DNAAF3: variants seen among roughly 807,000 people sequenced by gnomAD.
DNAAF3 encodes UPF0470 protein C19orf51.
A neutral mutation model predicts 50.9 loss-of-function variants in DNAAF3; 40 were observed. The observed-to-expected ratio is 0.79, with a 90% confidence interval of 0.61 to 1.02. The LOEUF is 1.02. Ranked by LOEUF, DNAAF3 falls within the 50% of genes least tolerant of loss-of-function variation. DNAAF3 has a pLI of 0.00. For synonymous variants in DNAAF3, 327 were observed against 322.8 expected, an observed-to-expected ratio of 1.01 and a Z score of -0.14; for missense variants, 763 against 744.7, an observed-to-expected ratio of 1.02 and a Z score of -0.29.
At position 55,159,050 on chromosome 19, in the gene DNAAF3, C is replaced by T. The variant is rs376466344; in HGVS notation, c.*12G>A. ...TTTGGAAGTTGGAGATAAGGGGTGT[C>T]TAGGGGTTGGGTCAGACTCCAGTTT... is the stretch of plus-strand genomic sequence containing the variant. On this transcript the variant is annotated 3_prime_UTR_variant, in exon 12 of 12. Coordinates refer to ENST00000524407, the MANE Select transcript of DNAAF3 (RefSeq NM_001256715.2). The T allele has an allele frequency of 5.1e-6, 8 of 1,566,162 alleles. No homozygotes were observed. Among genetic ancestry groups the T allele is most frequent in the Non-Finnish European group, 4.3e-6 (5 of 1,156,602 alleles).
At chr19:55,165,681 G>T in intron 3 of DNAAF3, 177 bp downstream of exon 3, 1 of 1,177,776 alleles carries the variant, frequency 8.5e-7, no homozygotes, top group Non-Finnish European at 1.2e-6. Flanking sequence ...GAACCCAGGA[G>T]TTCCAAACCC....
Position 55,160,910 on chromosome 19 carries a change from C to T in DNAAF3, c.913-135G>A. On this transcript the variant is annotated intron_variant, in intron 8 of 11. Transcript: ENST00000524407. The surrounding 1 kb of genome is among the most constrained non-coding windows in gnomAD (Gnocchi z 4.7). Reference sequence around the variant, plus strand: ...ATGTGAAGTGGGGCGGGACCTATCCCGCGGGGATGGGGCCTGTTCTCTGAA... The same window carrying T: ...ATGTGAAGTGGGGCGGGACCTATCCTGCGGGGATGGGGCCTGTTCTCTGAA... 6.9e-7 allele frequency: 1 copy of T among 1,454,132 alleles called. No homozygotes were observed. The highest frequency in any genetic ancestry group is 9.0e-7 in the Non-Finnish European group (1 of 1,105,346). The allele number at this position is 1,454,132 out of a possible 1,614,324, so 90.1% of individuals were successfully genotyped here. A position where few individuals can be genotyped will look rare whatever the true frequency, so the allele number is the denominator to read the frequency against.
rs756478011 is a variant in DNAAF3, at chr19:55,160,739, G to A, written c.949C>T (p.Leu317=). 2 of 1,612,456 alleles carry A rather than the reference G, an allele frequency of 1.2e-6. No homozygotes were observed. Among genetic ancestry groups the A allele is most frequent in the Non-Finnish European group, 1.7e-6 (2 of 1,179,828 alleles). ...CCCCAGGCGGCCACGTCGCGGAGCA[G>A]CTCCGTCACGTTGTGTTGAGTGATC... ...GEITQHNVTE[L]LRDVAAWGRA... is the part of the protein sequence containing the mutation. The change falls in exon 9 of 12, where the codon CTG becomes TTG. Residue 317 remains leucine (L), a synonymous_variant. Transcript: ENST00000524407. The surrounding 1 kb of genome is among the most constrained non-coding windows in gnomAD (Gnocchi z 4.7).
chr19:55,162,428 C>A, intron 4 of DNAAF3, 138 bp from the exon 5 acceptor site: 1 of 1,041,684 alleles, frequency 9.6e-7, no homozygotes, highest in East Asian at 3.3e-5. Context: ...CCAAAAACTA[C>A]ATGAAGAACA....
At position 55,161,602 on chromosome 19, in the gene DNAAF3, C is replaced by G; in HGVS notation, c.663+41G>C. Reference sequence around the variant, plus strand: ...GCCCCCAGCCCCTCCTCCCTCAGACCCAGGGGTCCAGGCCCCCAGCCCCTC... The same window carrying G: ...GCCCCCAGCCCCTCCTCCCTCAGACGCAGGGGTCCAGGCCCCCAGCCCCTC... On this transcript the variant is annotated intron_variant, in intron 6 of 11. Coordinates refer to ENST00000524407, the MANE Select transcript of DNAAF3 (RefSeq NM_001256715.2). The surrounding 1 kb of genome is among the most constrained non-coding windows in gnomAD (Gnocchi z 6.4). The G allele has an allele frequency of 6.6e-7, 1 of 1,507,266 alleles. No homozygotes were observed. Among genetic ancestry groups the G allele is most frequent in the South Asian group, 1.2e-5 (1 of 80,822 alleles). 93.4% of individuals were successfully genotyped at this position (1,507,266 alleles called of 1,614,324 possible).
chr19:55,165,343 C>A, intron 4 of DNAAF3, 27 bp downstream of exon 4: 2 of 1,607,468 alleles, frequency 1.2e-6, no homozygotes, highest in South Asian at 2.2e-5. Flanking sequence ...GACCAGCGGT[C>A]AGAATGCCTG....
At position 55,161,696 on chromosome 19, in the gene DNAAF3, C is replaced by T; in HGVS notation, c.610G>A (p.Ala204Thr). The change falls in exon 6 of 12, where the codon GCC becomes ACC. Residue 204 changes from alanine to threonine, a missense_variant. By Grantham distance (58) the Ala-to-Thr change is moderately conservative. Transcript: ENST00000524407. This position sits in a 1 kb window ranked among gnomAD's most constrained non-coding sequence, Gnocchi z 6.4. ...LRHYLGSRYD[A>T]RRGVSDWDLR... ...TCCCAGTCGCTGACACCGCGCCGGG[C>T]GTCGTAGCGGGAGCCCAGGTAGTGG... 1 of 1,540,732 alleles carries T rather than the reference C, an allele frequency of 6.5e-7. No homozygotes were observed. Among genetic ancestry groups the T allele is most frequent in the Non-Finnish European group, 8.7e-7 (1 of 1,146,362 alleles).
chr19:55,158,957 G>C lies in DNAAF3; in HGVS notation c.*105C>G, dbSNP rs531570316. On this transcript the variant is annotated 3_prime_UTR_variant, in exon 12 of 12. Transcript: ENST00000524407. ...GGCGGGTACTGAGTGGGAATGATTA[G>C]AATAAAATTGAGGACTCTAGCAGCG... 54 of 1,330,872 alleles carry C rather than the reference G, an allele frequency of 4.1e-5. No individual in the cohort carries two copies. The Admixed American group carries it at 1.3e-3, about 32-fold the overall frequency. The allele number at this position is 1,330,872 out of a possible 1,614,324, so 82.4% of individuals were successfully genotyped here.
At position 55,158,995 on chromosome 19, in the gene DNAAF3, T is replaced by C; in HGVS notation, c.*67A>G. On this transcript the variant is annotated 3_prime_UTR_variant, in exon 12 of 12. Coordinates refer to ENST00000524407, the MANE Select transcript of DNAAF3 (RefSeq NM_001256715.2). ...GACTCTAGCAGCGGACTTAGAATGG[T>C]ATCAGCGGGTTCTCATCCTACAACC... 6.7e-7 allele frequency: 1 copy of C among 1,497,278 alleles called. No homozygotes were observed. Among genetic ancestry groups the C allele is most frequent in the Non-Finnish European group, 8.9e-7 (1 of 1,117,792 alleles). 92.7% of individuals were successfully genotyped at this position (1,497,278 alleles called of 1,614,324 possible).
At chr19:55,165,568 C>G (rs1481184032) in intron 3 of DNAAF3, 105 bp from the exon 4 acceptor site, 1 of 1,137,186 alleles carries the variant, frequency 8.8e-7, no homozygotes, top group Admixed American at 2.1e-5. Flanking sequence ...CACCCGAGTT[C>G]TGTACACCAG....
At chr19:55,159,871 T>C (rs2085788873) in intron 10 of DNAAF3, 28 bp downstream of exon 10, 3 of 1,609,520 alleles carry the variant, frequency 1.9e-6, no homozygotes, top group East Asian at 2.2e-5. Context: ...TCCTGGGTCT[T>C]TGTGAGCACA....
At position 55,161,151 on chromosome 19, in the gene DNAAF3, C is replaced by G. The variant is rs1353927924; in HGVS notation, c.826G>C (p.Asp276His). Reference sequence around the variant, plus strand: ...GCCACGAAGGGCCCCGTGGCGATGTCCCCCCAGTACCCGCGCGCTGCCACG... The same window carrying G: ...GCCACGAAGGGCCCCGTGGCGATGTGCCCCCAGTACCCGCGCGCTGCCACG... ...ERVAARGYWG[D>H]IATGPFVAFG... The change falls in exon 8 of 12, where the codon GAC (aspartate) becomes CAC (histidine). Residue 276 changes from aspartate to histidine, a missense_variant. Asp to His is a moderately conservative substitution (Grantham distance 81, BLOSUM62 -1). Coordinates refer to ENST00000524407, the MANE Select transcript of DNAAF3 (RefSeq NM_001256715.2). The surrounding 1 kb of genome is among the most constrained non-coding windows in gnomAD (Gnocchi z 6.4). 2 of 1,555,546 alleles carry G rather than the reference C, an allele frequency of 1.3e-6. No homozygotes were observed. The highest frequency in any genetic ancestry group is 1.7e-6 in the Non-Finnish European group (2 of 1,150,992).
At chr19:55,165,589 C>A in intron 3 of DNAAF3, 126 bp from the exon 4 acceptor site, 1 of 1,016,062 alleles carries the variant, frequency 9.8e-7, no homozygotes, top group Non-Finnish European at 1.4e-6. Flanking sequence ...CCTCTTCCTT[C>A]AAACACAGAA....
Position 55,162,501 on chromosome 19 carries a change from C to T in DNAAF3, c.323-211G>A, listed in dbSNP as rs940572941. On this transcript the variant is annotated intron_variant, in intron 4 of 11. Coordinates refer to ENST00000524407, the MANE Select transcript of DNAAF3 (RefSeq NM_001256715.2). ...ACTCGGGAGGCTGAGGCAGGAGAAT[C>T]GCTTGAACCCGGAGGCGGAGGTTGC... 10 of 791,358 alleles carry T rather than the reference C, an allele frequency of 1.3e-5. No individual in the cohort carries two copies. In the South Asian group the frequency reaches 3.3e-4, roughly 26 times the overall value. The allele number at this position is 791,358 out of a possible 1,614,324, so 49.0% of individuals were successfully genotyped here. A position where few individuals can be genotyped will look rare whatever the true frequency, so the allele number is the denominator to read the frequency against.
intron 3 of DNAAF3, 157 bp downstream of exon 3, chr19:55,165,701 C>A (rs973949415): frequency 5.5e-5 from 72 of 1,318,794 alleles, no homozygotes; most frequent in Non-Finnish European, 7.3e-5. Context: ...CCAGCCCCTT[C>A]CTTCCCCCAA....
chr19:55,161,148 T>C lies in DNAAF3; in HGVS notation c.829A>G (p.Ile277Val), dbSNP rs1349464210. Residue 277 changes from isoleucine (I) to valine (V), a missense_variant, in exon 8 of 12, where the codon ATC (isoleucine) becomes GTC (valine). Physicochemically the swap from Ile to Val is conservative, Grantham distance 29 (BLOSUM62 3). Transcript: ENST00000524407. This position sits in a 1 kb window ranked among gnomAD's most constrained non-coding sequence, Gnocchi z 6.4. ...RVAARGYWGDIATGPFVAFGI... is the reference protein window; with the variant it reads ...RVAARGYWGDVATGPFVAFGI... ...AAGGCCACGAAGGGCCCCGTGGCGA[T>C]GTCCCCCCAGTACCCGCGCGCTGCC... 2 of 1,555,392 alleles carry C rather than the reference T, an allele frequency of 1.3e-6. No individual in the cohort carries two copies. The highest frequency in any genetic ancestry group is 1.9e-5 in the Admixed American group (1 of 51,816).
At chr19:55,164,095 A>C (rs2085893409) in intron 4 of DNAAF3, among the ~76,000 whole-genome samples, 2 of 152,174 alleles carry the variant, frequency 1.3e-5, no homozygotes, top group South Asian at 4.2e-4. Context: ...AGATGCCTGC[A>C]TCCCCTTCGC....
chr19:55,161,703 G>C lies in DNAAF3; in HGVS notation c.603C>G (p.Arg201=). 6.5e-7 allele frequency: 1 copy of C among 1,541,418 alleles called. No individual in the cohort carries two copies. The highest frequency in any genetic ancestry group is 8.7e-7 in the Non-Finnish European group (1 of 1,146,530). Residue 201 remains arginine, a synonymous_variant, in exon 6 of 12, where the codon CGC becomes CGG. Coordinates refer to ENST00000524407, the MANE Select transcript of DNAAF3 (RefSeq NM_001256715.2). The surrounding 1 kb of genome is among the most constrained non-coding windows in gnomAD (Gnocchi z 6.4). ...CGCTGACACCGCGCCGGGCGTCGTA[G>C]CGGGAGCCCAGGTAGTGGCGCAGGC... ...DSRLRHYLGS[R]YDARRGVSDW... is the part of the protein sequence containing the mutation.
chr19:55,166,500 T>G lies in DNAAF3; in HGVS notation c.-5+23A>C. 1 of 1,613,388 alleles carries G rather than the reference T, an allele frequency of 6.2e-7. No individual in the cohort carries two copies. The highest frequency in any genetic ancestry group is 1.1e-5 in the South Asian group (1 of 91,014). ...GCCCCTCACTTCTCGCCCCTTTGCC[T>G]CCACATGATACCTTGCCCACACCTT... On this transcript the variant is annotated intron_variant, in intron 1 of 11. Coordinates refer to ENST00000524407, the MANE Select transcript of DNAAF3 (RefSeq NM_001256715.2). The surrounding 1 kb of genome is among the most constrained non-coding windows in gnomAD (Gnocchi z 4.0).
Sources: gnomAD v4.1 joint callset for allele counts (sites outside exome capture counted in the v4.1 genomes callset) on GRCh38, gnomAD v4.1.1 for gene constraint, Gnocchi (gnomAD v3.1) non-coding constraint, MANE v1.5 for transcripts, NCBI Gene and HGNC (gene_info 2026-07-23, HGNC 2026-07-21) for gene names.